Variants in RNF41 observed in about 807,000 individuals in gnomAD.
RNF41 encodes the protein E3 ubiquitin-protein ligase NRDP1.
RNF41 carries 4 observed loss-of-function variants against 33.0 expected under a neutral mutation model. That is an observed-to-expected ratio of 0.12 (90% CI 0.06 to 0.28). The LOEUF (loss-of-function observed/expected upper bound fraction) is 0.28. Ranked by LOEUF, RNF41 falls within the 10% of genes least tolerant of loss-of-function variation. RNF41 has a pLI of 1.00. For synonymous variants in RNF41, 164 were observed against 153.2 expected (o/e 1.07, Z -0.52); for missense variants, 228 against 432.6 (o/e 0.53, Z 4.19).
rs976343309 is a variant in RNF41 at position 56,206,334 on chromosome 12, T to C, written c.*113A>G. On this transcript the variant is annotated 3_prime_UTR_variant, in exon 7 of 7. Coordinates refer to ENST00000345093, the MANE Select transcript of RNF41 (RefSeq NM_005785.4). This position sits in a 1 kb window ranked among gnomAD's most constrained non-coding sequence, Gnocchi z 5.7. Reference sequence around the variant, plus strand: ...AGTGCCAGAAGGGCAGGGAGATGTGTGGCTCAGGTATAAGCCACAGTATTA... The same window carrying C: ...AGTGCCAGAAGGGCAGGGAGATGTGCGGCTCAGGTATAAGCCACAGTATTA... 6.5e-6 allele frequency: 6 copies of C among 925,332 alleles called. No individual in the cohort carries two copies. Among genetic ancestry groups the C allele is most frequent in the Non-Finnish European group, 9.9e-6 (6 of 605,968 alleles). 57.3% of individuals were successfully genotyped at this position (925,332 alleles called of 1,614,324 possible).
At chr12:56,218,945 G>A (rs1049311325) in intron 1 of RNF41, among the ~76,000 whole-genome samples, 7 of 148,926 alleles carry the variant, frequency 4.7e-5, no homozygotes, top group South Asian at 2.1e-4. Context: ...CTTGTGATCC[G>A]CCCGCCTCGG....
intron 3 of RNF41, among the ~76,000 whole-genome samples, chr12:56,211,591 G>A (rs965148815): frequency 3.2e-4 from 49 of 152,240 alleles, no homozygotes; most frequent in African/African-American, 1.2e-3. Context: ...TATTTATGAA[G>A]AGGACAGAAT....
chr12:56,220,816 T>C (rs1377222307), intron 1 of RNF41, among the ~76,000 whole-genome samples: 1 of 152,048 alleles, frequency 6.6e-6, no homozygotes, highest in Non-Finnish European at 1.5e-5. Flanking sequence ...TGTTCCTTCT[T>C]TTTACTAGAA....
chr12:56,208,024 G>A, intron 5 of RNF41, 139 bp downstream of exon 5: 4 of 1,051,262 alleles, frequency 3.8e-6, no homozygotes, highest in Non-Finnish European at 4.3e-6. Flanking sequence ...TCCCTGCTAA[G>A]CCACAGGCAG....
At chr12:56,207,842 T>G in intron 5 of RNF41, 93 bp from the exon 6 acceptor site, 1 of 1,004,596 alleles carries the variant, frequency 1.0e-6, no homozygotes, top group Non-Finnish European at 1.6e-6. Context: ...CTGAGAGATC[T>G]GAAGAACAAC....
intron 3 of RNF41, chr12:56,213,236 T>C: frequency 1.3e-6 from 1 of 798,186 alleles, no homozygotes; most frequent in Non-Finnish European, 1.7e-6. Context: ...AGTCTCACTC[T>C]GTCACCCAGG....
chr12:56,217,368 G>A (rs1037238513), intron 1 of RNF41, among the ~76,000 whole-genome samples: 19 of 152,144 alleles, frequency 1.2e-4, no homozygotes, highest in Non-Finnish European at 2.2e-4. Context: ...CCAACATGGC[G>A]AAACCCCATC....
intron 4 of RNF41, 34 bp from the exon 5 acceptor site, chr12:56,208,332 GGTGATCCCT>G: frequency 6.2e-7 from 1 of 1,610,838 alleles, no homozygotes; most frequent in Non-Finnish European, 8.5e-7. Context: ...GCAGAACAGA[GGTGATCCCT>G]GGGACATGTA....
chr12:56,221,938 C>G (rs1459763264), upstream of RNF41: 1 of 152,334 alleles, frequency 6.6e-6, no homozygotes, highest in African/African-American at 2.4e-5. Context: ...CTTTGCCCCG[C>G]CCACCGCTGC....
Position 56,206,199 on chromosome 12 carries a change from G to T in RNF41, c.*248C>A. ...AAGCAGGAAAATGGATGGAGGTGGG[G>T]GCTTTCCCACCCAGACTGATAATTT... On this transcript the variant is annotated 3_prime_UTR_variant, in exon 7 of 7. Transcript: ENST00000345093. This position sits in a 1 kb window ranked among gnomAD's most constrained non-coding sequence, Gnocchi z 5.7. 1 of 445,884 alleles carries T rather than the reference G, an allele frequency of 2.2e-6. No homozygotes were observed. Among genetic ancestry groups the T allele is most frequent in the Non-Finnish European group, 4.0e-6 (1 of 250,982 alleles). 27.6% of individuals were successfully genotyped at this position (445,884 alleles called of 1,614,324 possible).
At position 56,219,605 on chromosome 12, in the gene RNF41, C is replaced by G. The variant is rs181222009; in HGVS notation, c.-209+2155G>C. Among the ~76,000 whole-genome samples the G allele has an allele frequency of 2.6e-5, 4 of 151,492 alleles. No individual in the cohort carries two copies. In the East Asian group the frequency reaches 7.9e-4, roughly 30 times the overall value. On this transcript the variant is annotated intron_variant, in intron 1 of 6. Transcript: ENST00000345093. ...CCTCCCAAAGTGCTGGGATTACAGG[C>G]GTGAGCCACTGCGCCCGGCGTAATA...
intron 1 of RNF41, among the ~76,000 whole-genome samples, chr12:56,218,205 C>G (rs2135815786): frequency 6.6e-6 from 1 of 151,828 alleles, no homozygotes; most frequent in East Asian, 1.9e-4. Context: ...CCACCCGCCT[C>G]AGCCTCCCAA....
intron 2 of RNF41, among the ~76,000 whole-genome samples, chr12:56,215,296 A>G (rs1215163714): frequency 1.3e-5 from 2 of 152,220 alleles, no homozygotes; most frequent in Non-Finnish European, 2.9e-5. Flanking sequence ...GACTTAAAAA[A>G]CAATGTGATA....
Position 56,207,711 on chromosome 12 carries a change from T to C in RNF41, c.537A>G (p.Ala179=), listed in dbSNP as rs1565940663. 6.2e-7 allele frequency: 1 copy of C among 1,614,216 alleles called. No homozygotes were observed. The change falls in exon 6 of 7, where the codon GCA becomes GCG. Residue 179 remains alanine, a synonymous_variant. Transcript: ENST00000345093. ...DIQLLKAYMR[A]IRSVNPNLQN... is the part of the protein sequence containing the mutation. ...GAAGGTTGGGGTTGACACTGCGGAT[T>C]GCACGCATGTATGCCTTTAGCAGCT...
At position 56,206,777 on chromosome 12, in the gene RNF41, T is replaced by A. The variant is rs746012873; in HGVS notation, c.624A>T (p.Pro208=). Residue 208 remains proline (P), a synonymous_variant, in exon 7 of 7, where the codon CCA becomes CCT. Coordinates refer to ENST00000345093, the MANE Select transcript of RNF41 (RefSeq NM_005785.4). The surrounding 1 kb of genome is among the most constrained non-coding windows in gnomAD (Gnocchi z 5.7). ...EILEWVNSLQ[P]ARVTRWGGMI... is the part of the protein sequence containing the mutation. ...TCCCTCCCCAGCGGGTCACTCTTGC[T>A]GGCTGAAGGGAGTTCACCCACCTGT... The A allele has an allele frequency of 1.2e-6, 2 of 1,613,820 alleles. No homozygotes were observed. Among genetic ancestry groups the A allele is most frequent in the South Asian group, 2.2e-5 (2 of 91,064 alleles).
intron 1 of RNF41, among the ~76,000 whole-genome samples, chr12:56,220,052 A>C (rs1030490672): frequency 2.0e-5 from 3 of 151,312 alleles, no homozygotes; most frequent in Admixed American, 6.6e-5. Context: ...TAAATAAATA[A>C]ATAAATATGA....
chr12:56,213,854 G>A, intron 3 of RNF41, 104 bp downstream of exon 3: 1 of 797,010 alleles, frequency 1.3e-6, no homozygotes, highest in Non-Finnish European at 2.2e-6. Flanking sequence ...AGGGTGGAGA[G>A]AAGAACACAG....
chr12:56,220,056 A>AATAC (rs1178458169), intron 1 of RNF41, among the ~76,000 whole-genome samples: 11 of 148,890 alleles, frequency 7.4e-5, no homozygotes, highest in African/African-American at 2.5e-4. Flanking sequence ...TAAATAAATA[A>AATAC]ATATGAAAGG....
chr12:56,207,357 C>G, intron 6 of RNF41: 1 of 1,085,286 alleles, frequency 9.2e-7, no homozygotes, highest in Non-Finnish European at 1.3e-6. Context: ...CCTCCTAGCA[C>G]TCCACAGCCT....
Sources: gnomAD v4.1 joint callset for allele counts (sites outside exome capture counted in the v4.1 genomes callset) on GRCh38, gnomAD v4.1.1 for gene constraint, Gnocchi (gnomAD v3.1) non-coding constraint, MANE v1.5 for transcripts, NCBI Gene and HGNC (gene_info 2026-07-23, HGNC 2026-07-21) for gene names.